MGA: variants seen among roughly 807,000 people sequenced by gnomAD.
MGA encodes MAX dimerization protein MGA.
In MGA, 40 loss-of-function variants were observed where a neutral mutation model predicts 261.1. The ratio of observed to expected loss-of-function variants is 0.15; its 90% CI spans 0.12 to 0.20. The LOEUF is 0.20. Among genes scored for constraint, MGA ranks in the 10% least tolerant of loss-of-function variants. The probability of loss-of-function intolerance (pLI) is 1.00; values close to 1 mark genes in which losing one functional copy is unlikely to be tolerated. For synonymous variants in MGA, 1,302 were observed against 1,290.6 expected, an observed-to-expected ratio of 1.01 and a Z score of -0.19; for missense variants, 3,397 against 3,630.5, an observed-to-expected ratio of 0.94 and a Z score of 1.65.
At chr15:41,717,291 A>G (rs371426309) in intron 9 of MGA, among the ~76,000 whole-genome samples, 1 of 152,194 alleles carries the variant, frequency 6.6e-6, no homozygotes, top group Admixed American at 6.6e-5. Context: ...TGTGGGTAGT[A>G]CCAAGGGAAA....
At chr15:41,621,413 G>C (rs550614741) in intron 1 of MGA, 2 of 152,288 alleles carry the variant, frequency 1.3e-5, no homozygotes, top group African/African-American at 4.8e-5. Context: ...CTCCGCGTGC[G>C]AACGACTCGG....
intron 9 of MGA, among the ~76,000 whole-genome samples, chr15:41,714,514 G>T (rs1394616460): frequency 5.9e-5 from 9 of 152,144 alleles, no homozygotes; most frequent in Admixed American, 5.9e-4. Flanking sequence ...ATACTGGATG[G>T]TGCCAGTTTT....
chr15:41,702,091 G>A (rs1442195660), intron 5 of MGA, among the ~76,000 whole-genome samples: 1 of 152,010 alleles, frequency 6.6e-6, no homozygotes, highest in Non-Finnish European at 1.5e-5. Context: ...AGGCCAAGGC[G>A]GGTGGATCAC....
intron 22 of MGA, among the ~76,000 whole-genome samples, chr15:41,764,533 G>A (rs1338300584): frequency 1.3e-5 from 2 of 151,168 alleles, no homozygotes; most frequent in South Asian, 2.1e-4. Flanking sequence ...GATTACAGGC[G>A]TCAGCCACCG....
Position 41,651,625 on chromosome 15 carries a change from T to TCTTCTCTCCTCTCC in MGA, c.-67-17202_-67-17201insTTCTCTCCTCTCCC, listed in dbSNP as rs1555403106. ...CCTTTCCCTTTTCCCCTCTCCTCTC[T>TCTTCTCTCCTCTCC]CCTCTTCTCTCCTCTCCCCTCTCCT... On this transcript the variant is annotated intron_variant, in intron 1 of 8. Transcript: ENST00000566718. Among the ~76,000 whole-genome samples, 308 of 90,600 alleles carry TCTTCTCTCCTCTCC rather than the reference T, an allele frequency of 3.4e-3. 1 individual carries two copies. The highest frequency in any genetic ancestry group is 0.023 in the South Asian group (45 of 1,928). The allele number at this position is 90,600 out of a possible 152,430, so 59.4% of individuals were successfully genotyped here. A position where few individuals can be genotyped will look rare whatever the true frequency, so the allele number is the denominator to read the frequency against.
intron 1 of MGA, among the ~76,000 whole-genome samples, chr15:41,667,218 C>G (rs933129536): frequency 1.3e-5 from 2 of 151,908 alleles, no homozygotes; most frequent in African/African-American, 4.8e-5. Context: ...TTGTAGGAAG[C>G]CTTTAAAAAT....
At position 41,769,301 on chromosome 15, in the gene MGA, T is replaced by C. The variant is rs1366429032; in HGVS notation, c.*2021T>C. ...GGACCATTTTAGCTTAACACTTCCTTTTTTTTTTTTTTTTTTTTAAGAAGA... is the reference window on the plus strand; with the variant it reads ...GGACCATTTTAGCTTAACACTTCCTCTTTTTTTTTTTTTTTTTTAAGAAGA... On this transcript the variant is annotated 3_prime_UTR_variant, in exon 24 of 24. Transcript: ENST00000219905. 2 of 46,394 alleles carry C rather than the reference T, an allele frequency of 4.3e-5. No homozygotes were observed. The highest frequency in any genetic ancestry group is 3.8e-4 in the East Asian group (1 of 2,604). 2.9% of individuals were successfully genotyped at this position (46,394 alleles called of 1,614,324 possible).
intron 1 of MGA, among the ~76,000 whole-genome samples, chr15:41,630,651 T>C (rs1031839345): frequency 1.3e-5 from 2 of 152,214 alleles, no homozygotes; most frequent in African/African-American, 4.8e-5. Flanking sequence ...ATATTAGGAA[T>C]GTTTTATTCT....
At chr15:41,646,437 C>T (rs1476268770) in intron 1 of MGA, among the ~76,000 whole-genome samples, 1 of 151,690 alleles carries the variant, frequency 6.6e-6, no homozygotes, top group Non-Finnish European at 1.5e-5. Flanking sequence ...TCTCTGCCTC[C>T]CGAGTTCAAG....
In MGA at chr15:41,681,625, AT is replaced by A. The variant is rs373497848; in HGVS notation, c.1064+11672del. ...GCCTCCTCGCTTGGTTAATTTTTTT[AT>A]TTTTGTAGAGATAGGATTTCACCAT... On this transcript the variant is annotated intron_variant, in intron 2 of 23. Coordinates refer to ENST00000219905, the MANE Select transcript of MGA (RefSeq NM_001164273.2). Among the ~76,000 whole-genome samples, 126 of 151,512 alleles carry A rather than the reference AT, an allele frequency of 8.3e-4. 3 individuals carry two copies. In the East Asian group the frequency reaches 0.02, roughly 25 times the overall value.
At chr15:41,696,013 T>C in intron 2 of MGA, 62 bp from the exon 3 acceptor site, 1 of 1,212,672 alleles carries the variant, frequency 8.2e-7, no homozygotes, top group Non-Finnish European at 1.2e-6. Context: ...TTTTTTTCTC[T>C]TCAAGTCTTG....
chr15:41,630,566 G>A (rs79301321), intron 1 of MGA, among the ~76,000 whole-genome samples: 3 of 152,266 alleles, frequency 2.0e-5, no homozygotes, highest in Non-Finnish European at 4.4e-5. Flanking sequence ...GTTGGTTTTA[G>A]TGATATTCAT....
chr15:41,755,549 G>A (rs973546695), intron 18 of MGA, among the ~76,000 whole-genome samples: 7 of 152,156 alleles, frequency 4.6e-5, no homozygotes, highest in African/African-American at 1.2e-4. Context: ...GAAAAATGCC[G>A]TGTGAGAACA....
intron 2 of MGA, among the ~76,000 whole-genome samples, chr15:41,682,303 A>G (rs1308855517): frequency 2.6e-5 from 4 of 152,074 alleles, no homozygotes; most frequent in African/African-American, 9.7e-5. Flanking sequence ...ATATTCATCT[A>G]TTGAAAGTAA....
At chr15:41,645,221 C>G (rs1404013360) in intron 1 of MGA, among the ~76,000 whole-genome samples, 1 of 152,196 alleles carries the variant, frequency 6.6e-6, no homozygotes, top group Admixed American at 6.5e-5. Flanking sequence ...ACAGACAGGT[C>G]CTGCCAATTA....
intron 22 of MGA, 43 bp downstream of exon 22, chr15:41,762,405 C>T (rs2063510717): frequency 4.2e-6 from 6 of 1,445,508 alleles, no homozygotes; most frequent in Non-Finnish European, 5.7e-6. Flanking sequence ...AGATATACAT[C>T]AGTTGACTTT....
chr15:41,673,084 TCTC>T (rs1485772206), intron 2 of MGA, among the ~76,000 whole-genome samples: 1 of 152,230 alleles, frequency 6.6e-6, no homozygotes, highest in Non-Finnish European at 1.5e-5. Flanking sequence ...TTCACGTGGT[TCTC>T]CTAACTCTTG....
intron 2 of MGA, among the ~76,000 whole-genome samples, chr15:41,683,887 C>T (rs1387604022): frequency 6.6e-6 from 1 of 151,852 alleles, no homozygotes; most frequent in East Asian, 1.9e-4. Context: ...GGCCTAAGCA[C>T]CAGTTTTGTT....
chr15:41,689,572 T>C (rs573862933), intron 2 of MGA, among the ~76,000 whole-genome samples: 2 of 150,546 alleles, frequency 1.3e-5, no homozygotes, highest in East Asian at 1.9e-4. Context: ...CTTTTTTTTT[T>C]TTCTTTTTTT....
Sources: allele counts gnomAD v4.1 joint callset (sites outside exome capture counted in the v4.1 genomes callset), GRCh38; gene constraint gnomAD v4.1.1; transcripts MANE v1.5; gene names NCBI Gene and HGNC (gene_info 2026-07-23, HGNC 2026-07-21).